TAS1R1: variants seen among roughly 807,000 people sequenced by gnomAD.
The protein encoded by TAS1R1 is taste receptor type 1 member 1.
In TAS1R1, 31 loss-of-function variants were observed where a neutral mutation model predicts 45.8. The observed-to-expected ratio is 0.68, with a 90% CI of 0.51 to 0.91. TAS1R1 has a LOEUF of 0.91. TAS1R1 is among the 40% of genes least tolerant of loss of function. The pLI is 0.00. For missense variants in TAS1R1, 1,051 were observed against 1,063.9 expected, an observed-to-expected ratio of 0.99 and a Z score of 0.17; for synonymous variants, 437 against 448.4, an observed-to-expected ratio of 0.97 and a Z score of 0.32.
Position 6,577,057 on chromosome 1 carries a change from C to T in TAS1R1, c.1581C>T (p.Phe527=). The part of the protein sequence containing the change: ...FECVPCGAGT[F]LNKSDLYRCQ... The stretch of plus-strand genomic sequence containing the variant: ...GTGTGCCCTGTGGGGCTGGGACCTT[C>T]CTCAACAAGAGTGGTGAGTGGGCAA... Residue 527 remains phenylalanine, a synonymous_variant, in exon 5 of 6, where the codon TTC becomes TTT. Coordinates refer to ENST00000333172, the MANE Select transcript of TAS1R1 (RefSeq NM_138697.4). 1 of 1,614,198 alleles carries T rather than the reference C, an allele frequency of 6.2e-7. No individual in the cohort carries two copies. Among genetic ancestry groups the T allele is most frequent in the Non-Finnish European group, 8.5e-7 (1 of 1,180,018 alleles).
At chr1:6,576,240 C>T (rs1640169327) in intron 3 of TAS1R1, among the ~76,000 whole-genome samples, 175 bp from the exon 4 acceptor site, 1 of 152,162 alleles carries the variant, frequency 6.6e-6, no homozygotes, top group Non-Finnish European at 1.5e-5. Flanking sequence ...TTAGAGGCCT[C>T]CTCTCAGGAG....
chr1:6,577,110 C>G (rs77300646), intron 5 of TAS1R1, 40 bp downstream of exon 5: 14 of 1,612,910 alleles, frequency 8.7e-6, no homozygotes, highest in Non-Finnish European at 1.0e-5. Flanking sequence ...CCAGCACTCC[C>G]GGGGGCTGCA....
chr1:6,570,793 A>C, intron 1 of TAS1R1, 116 bp from the exon 2 acceptor site: 1 of 872,100 alleles, frequency 1.1e-6, no homozygotes, highest in South Asian at 1.8e-5. Context: ...GGTTTGGGGG[A>C]CTGGACCGAT....
At chr1:6,573,170 G>A (rs12132145) in intron 2 of TAS1R1, among the ~76,000 whole-genome samples, 42,184 of 151,814 alleles carry the variant, frequency 0.28, 6,871 homozygotes, top group East Asian at 0.46. Flanking sequence ...TGCAAGTCCC[G>A]GCCGGGCACC....
chr1:6,570,796 G>C, intron 1 of TAS1R1, 113 bp from the exon 2 acceptor site: 1 of 930,802 alleles, frequency 1.1e-6, no homozygotes, highest in South Asian at 1.7e-5. Context: ...TTGGGGGACT[G>C]GACCGATGAC....
At chr1:6,556,160 C>T (rs975210760) in intron 1 of TAS1R1, among the ~76,000 whole-genome samples, 1 of 151,930 alleles carries the variant, frequency 6.6e-6, no homozygotes, top group African/African-American at 2.4e-5. Flanking sequence ...CGTGAGCCAC[C>T]GCGCCCAGCC....
Position 6,555,583 on chromosome 1 carries a change from G to A in TAS1R1, c.191+19G>A. On this transcript the variant is annotated intron_variant, in intron 1 of 5. Transcript: ENST00000333172. Reference sequence around the variant, plus strand: ...GTGACAGGTGAGTGAGGGGCCAGCAGAGCCACACTTAGTGGGACCCCTGGC... The same window carrying A: ...GTGACAGGTGAGTGAGGGGCCAGCAAAGCCACACTTAGTGGGACCCCTGGC... The A allele has an allele frequency of 6.5e-7, 1 of 1,539,514 alleles. No individual in the cohort carries two copies. The highest frequency in any genetic ancestry group is 8.8e-7 in the Non-Finnish European group (1 of 1,137,918).
chr1:6,577,521 G>A (rs1343340537), intron 5 of TAS1R1, among the ~76,000 whole-genome samples: 4 of 145,238 alleles, frequency 2.8e-5, no homozygotes, highest in East Asian at 2.0e-4. Flanking sequence ...GCGAGAATTC[G>A]TCCCCCCAAA....
chr1:6,576,563 C>T lies in TAS1R1; in HGVS notation c.1409C>T (p.Thr470Ile). The T allele has an allele frequency of 1.2e-6, 2 of 1,614,270 alleles. No individual in the cohort carries two copies. Among genetic ancestry groups the T allele is most frequent in the African/African-American group, 2.7e-5 (2 of 75,074 alleles). ...KWTFTVLGSS[T>I]WSPVQLNINE... ...ACCTTCACGGTCCTCGGTTCCTCCA[C>T]ATGGTCTCCAGTTCAGCTAAACATA... The change falls in exon 4 of 6, where the codon ACA becomes ATA. Residue 470 changes from threonine (T) to isoleucine (I), a missense_variant. Coordinates refer to ENST00000333172, the MANE Select transcript of TAS1R1 (RefSeq NM_138697.4).
chr1:6,561,177 A>G (rs536621488), intron 1 of TAS1R1, among the ~76,000 whole-genome samples: 2 of 152,242 alleles, frequency 1.3e-5, no homozygotes, highest in African/African-American at 4.8e-5. Context: ...GGGTTATGGC[A>G]GGGCCTAGGA....
In TAS1R1 at chr1:6,565,099, G is replaced by A. The variant is rs559982083; in HGVS notation, c.192-5810G>A. Among the ~76,000 whole-genome samples the A allele has an allele frequency of 2.0e-5, 3 of 152,316 alleles. No homozygotes were observed. In the South Asian group the frequency reaches 6.2e-4, roughly 32 times the overall value. ...TTAGAATTTCTATGAATAACTTCAG[G>A]ATTGAGGAGAGGTTCATGGGAGATA... On this transcript the variant is annotated intron_variant, in intron 1 of 5. Transcript: ENST00000333172.
At position 6,575,138 on chromosome 1, in the gene TAS1R1, G is replaced by C. The variant is rs1199895093; in HGVS notation, c.1006G>C (p.Ala336Pro). Residue 336 changes from alanine (A) to proline (P), a missense_variant, in exon 3 of 6, where the codon GCG (alanine) becomes CCG (proline). Transcript: ENST00000333172. ...IQKRAVPGLK[A>P]FEEAYARADK... ...GAAGAGGGCTGTCCCTGGCCTGAAG[G>C]CGTTTGAAGAAGCCTATGCCCGGGC... 15 of 1,584,578 alleles carry C rather than the reference G, an allele frequency of 9.5e-6. No homozygotes were observed. The highest frequency in any genetic ancestry group is 1.8e-5 in the Admixed American group (1 of 55,140).
Position 6,578,848 on chromosome 1 carries a change from T to C in TAS1R1, c.1790T>C (p.Val597Ala). ...LFAWHLDTPV[V>A]RSAGGRLCFL... ...GCCTGGCACCTAGACACCCCTGTGG[T>C]GAGGTCAGCAGGGGGCCGCCTGTGC... The change falls in exon 6 of 6, where the codon GTG (valine) becomes GCG (alanine). Residue 597 changes from valine to alanine, a missense_variant. Transcript: ENST00000333172. 6.2e-7 allele frequency: 1 copy of C among 1,610,820 alleles called. No individual in the cohort carries two copies. The highest frequency in any genetic ancestry group is 8.5e-7 in the Non-Finnish European group (1 of 1,177,722).
Position 6,576,954 on chromosome 1 carries a change from C to T in TAS1R1, c.1478C>T (p.Pro493Leu), listed in dbSNP as rs780779098. ...IQWHGKDNQV[P>L]KSVCSSDCLE... The stretch of plus-strand genomic sequence containing the variant: ...GGCCCCTCTGGCTTCTTACAGGTGC[C>T]TAAGTCTGTGTGTTCCAGCGACTGT... Residue 493 changes from proline to leucine, a missense_variant, in exon 5 of 6, where the codon CCT (proline) becomes CTT (leucine). Pro to Leu is a moderately conservative substitution (Grantham distance 98). Transcript: ENST00000333172. 14 of 1,614,120 alleles carry T rather than the reference C, an allele frequency of 8.7e-6. No individual in the cohort carries two copies. Among genetic ancestry groups the T allele is most frequent in the Non-Finnish European group, 1.1e-5 (13 of 1,180,042 alleles).
chr1:6,575,447 G>A (rs147279853), intron 3 of TAS1R1, 55 bp downstream of exon 3: 381 of 1,495,772 alleles, frequency 2.5e-4, no homozygotes, highest in African/African-American at 2.4e-3. Context: ...ATCCTGAGAT[G>A]AGCAGAGTGG....
chr1:6,575,187 G>A lies in TAS1R1; in HGVS notation c.1055G>A (p.Cys352Tyr). ...GCAGACAAGAAGGCCCCTAGGCCTT[G>A]CCACAAGGGCTCCTGGTGCAGCAGC... is the stretch of plus-strand genomic sequence containing the variant. ...ARADKKAPRP[C>Y]HKGSWCSSNQ... Residue 352 changes from cysteine to tyrosine, a missense_variant, in exon 3 of 6, where the codon TGC becomes TAC. Cys to Tyr is a radical substitution (Grantham distance 194, BLOSUM62 -2). Transcript: ENST00000333172. The A allele has an allele frequency of 6.2e-7, 1 of 1,609,632 alleles. No individual in the cohort carries two copies. Among genetic ancestry groups the A allele is most frequent in the Non-Finnish European group, 8.5e-7 (1 of 1,177,826 alleles).
chr1:6,556,198 A>C lies in TAS1R1; in HGVS notation c.191+634A>C, dbSNP rs548695347. 9.3e-5 allele frequency among the ~76,000 whole-genome samples: 14 copies of C among 151,070 alleles called. No homozygotes were observed. In the East Asian group the frequency reaches 2.0e-3, roughly 21 times the overall value. ...TTTTTCCCTCTTCTATCTTCTCTCC[A>C]CTCCTACCCATGTTCAAAGTTCCCT... On this transcript the variant is annotated intron_variant, in intron 1 of 5. Transcript: ENST00000333172.
rs1374921534 is a variant in TAS1R1 at position 6,575,160 on chromosome 1, G to A, written c.1028G>A (p.Arg343Gln). 3.1e-6 allele frequency: 5 copies of A among 1,594,106 alleles called. No individual in the cohort carries two copies. The highest frequency in any genetic ancestry group is 1.4e-5 in the African/African-American group (1 of 74,036). The part of the protein sequence containing the change: ...GLKAFEEAYA[R>Q]ADKKAPRPCH... ...AAGGCGTTTGAAGAAGCCTATGCCC[G>A]GGCAGACAAGAAGGCCCCTAGGCCT... Residue 343 changes from arginine (R) to glutamine (Q), a missense_variant, in exon 3 of 6, where the codon CGG becomes CAG. Arg to Gln is a conservative substitution (Grantham distance 43). Transcript: ENST00000333172.
At chr1:6,559,962 C>T (rs1381466789) in intron 1 of TAS1R1, among the ~76,000 whole-genome samples, 3 of 147,062 alleles carry the variant, frequency 2.0e-5, no homozygotes, top group African/African-American at 7.7e-5. Context: ...TACACTCCAG[C>T]CTGGACAACA....
Sources: gnomAD v4.1 joint callset for allele counts (sites outside exome capture counted in the v4.1 genomes callset) on GRCh38, gnomAD v4.1.1 for gene constraint, MANE v1.5 for transcripts, NCBI Gene and HGNC (gene_info 2026-07-23, HGNC 2026-07-21) for gene names.